Variants in R3HDM2 observed in about 807,000 individuals in gnomAD.
R3HDM2 encodes R3H domain-containing protein 2.
A neutral mutation model predicts 124.5 loss-of-function variants in R3HDM2; 38 were observed. That is an observed-to-expected ratio of 0.31 (90% confidence interval 0.24 to 0.40). R3HDM2 has a LOEUF of 0.40. R3HDM2 is among the 10% of genes least tolerant of loss of function. The pLI, the probability that R3HDM2 is intolerant of heterozygous loss-of-function variation, is 1.00. For synonymous variants in R3HDM2, 391 were observed against 448.0 expected (o/e 0.87, Z 1.61); for missense variants, 869 against 1,236.9 (o/e 0.70, Z 4.46).
chr12:57,286,859 CAA>C (rs2047462285), intron 12 of R3HDM2, among the ~76,000 whole-genome samples: 1 of 151,770 alleles, frequency 6.6e-6, no homozygotes, highest in Non-Finnish European at 1.5e-5. Flanking sequence ...GCCTGGGCAA[CAA>C]GAGCGAAACT....
chr12:57,353,122 T>C (rs374049687), intron 2 of R3HDM2, among the ~76,000 whole-genome samples: 27 of 152,176 alleles, frequency 1.8e-4, no homozygotes, highest in East Asian at 1.3e-3. Context: ...AGAAAAAACA[T>C]TGAAACTTTT....
At chr12:57,325,040 G>A (rs540574255) in intron 2 of R3HDM2, among the ~76,000 whole-genome samples, 1 of 152,342 alleles carries the variant, frequency 6.6e-6, no homozygotes, top group East Asian at 1.9e-4. Context: ...GGAAGCCACA[G>A]AGGCTTCAAG....
chr12:57,349,895 G>T (rs998207706), intron 2 of R3HDM2, among the ~76,000 whole-genome samples: 4 of 151,332 alleles, frequency 2.6e-5, no homozygotes, highest in African/African-American at 4.8e-5. Context: ...CTTCTGTGCT[G>T]TTCCTGTAAG....
intron 2 of R3HDM2, among the ~76,000 whole-genome samples, chr12:57,362,699 G>A (rs954728607): frequency 3.3e-5 from 5 of 152,078 alleles, no homozygotes; most frequent in East Asian, 1.9e-4. Flanking sequence ...ATTTCTGCAC[G>A]TTATAAACCC....
chr12:57,412,830 C>T (rs1362364003), intron 1 of R3HDM2, among the ~76,000 whole-genome samples: 2 of 151,836 alleles, frequency 1.3e-5, no homozygotes, highest in Non-Finnish European at 2.9e-5. Flanking sequence ...ATGGTGAAAC[C>T]CCTCTCTACT....
At chr12:57,350,284 C>T (rs183076498) in intron 2 of R3HDM2, among the ~76,000 whole-genome samples, 1 of 151,684 alleles carries the variant, frequency 6.6e-6, no homozygotes, top group African/African-American at 2.4e-5. Context: ...TTAATAACAA[C>T]AATAAAAAAT....
intron 2 of R3HDM2, among the ~76,000 whole-genome samples, chr12:57,350,375 A>G (rs2060556851): frequency 1.3e-5 from 2 of 152,260 alleles, no homozygotes; most frequent in South Asian, 2.1e-4. Flanking sequence ...TTAAATTCCC[A>G]TAAGAAAATT....
chr12:57,301,297 A>G (rs542441670), intron 4 of R3HDM2, among the ~76,000 whole-genome samples: 4 of 152,204 alleles, frequency 2.6e-5, no homozygotes, highest in Non-Finnish European at 5.9e-5. Context: ...GCTAAAAACT[A>G]TAGGGTGACT....
intron 2 of R3HDM2, among the ~76,000 whole-genome samples, chr12:57,338,159 C>T (rs895387196): frequency 2.0e-5 from 3 of 152,000 alleles, no homozygotes; most frequent in African/African-American, 4.8e-5. Context: ...CAAAATTATC[C>T]GGGCATGGTG....
chr12:57,365,274 GA>G (rs71448515), intron 2 of R3HDM2, among the ~76,000 whole-genome samples: 16 of 140,116 alleles, frequency 1.1e-4, no homozygotes, highest in African/African-American at 1.3e-4. Flanking sequence ...CAAAAAAAAA[GA>G]AAAAAAAAAA....
chr12:57,321,174 G>A (rs778574652), intron 2 of R3HDM2, among the ~76,000 whole-genome samples: 1 of 152,214 alleles, frequency 6.6e-6, no homozygotes, highest in Non-Finnish European at 1.5e-5. Flanking sequence ...CCAATATGAT[G>A]CTCAAGGGAT....
chr12:57,348,696 A>AG (rs2060308035), intron 2 of R3HDM2, among the ~76,000 whole-genome samples: 1 of 31,884 alleles, frequency 3.1e-5, no homozygotes, highest in Non-Finnish European at 6.8e-5. Flanking sequence ...TCCGTCTCAA[A>AG]AAAAAAAAAA....
chr12:57,361,897 AACAG>A (rs2137611843), intron 2 of R3HDM2, among the ~76,000 whole-genome samples: 1 of 152,318 alleles, frequency 6.6e-6, no homozygotes, highest in East Asian at 1.9e-4. Context: ...ACCAAGAAGC[AACAG>A]ATGAGTTTCC....
intron 2 of R3HDM2, among the ~76,000 whole-genome samples, chr12:57,341,893 A>C (rs1315274473): frequency 6.6e-6 from 1 of 152,252 alleles, no homozygotes. Flanking sequence ...ATCTGAATGA[A>C]GCATTGCTTG....
intron 1 of R3HDM2, among the ~76,000 whole-genome samples, chr12:57,414,072 C>G (rs67161907): frequency 0.37 from 55,320 of 150,278 alleles, 11,601 homozygotes; most frequent in Middle Eastern, 0.75. Flanking sequence ...TGGTCTTGAA[C>G]TCCTGACCTC....
At chr12:57,354,374 C>T (rs915361594) in intron 2 of R3HDM2, among the ~76,000 whole-genome samples, 5 of 151,898 alleles carry the variant, frequency 3.3e-5, no homozygotes, top group Non-Finnish European at 7.4e-5. Flanking sequence ...GTTCATGTAA[C>T]CTCTGGCTCC....
At chr12:57,373,397 G>A (rs2063613069) in intron 2 of R3HDM2, among the ~76,000 whole-genome samples, 1 of 152,098 alleles carries the variant, frequency 6.6e-6, no homozygotes, top group African/African-American at 2.4e-5. Flanking sequence ...CTACTAAGGA[G>A]GCTGAGGCAG....
At chr12:57,416,057 T>A (rs1356037446) in intron 1 of R3HDM2, among the ~76,000 whole-genome samples, 1 of 152,178 alleles carries the variant, frequency 6.6e-6, no homozygotes, top group Non-Finnish European at 1.5e-5. Flanking sequence ...ATTTTGAATG[T>A]GATAGTGAAC....
intron 13 of R3HDM2, among the ~76,000 whole-genome samples, chr12:57,282,343 A>C (rs2046359848): frequency 6.6e-6 from 1 of 152,210 alleles, no homozygotes; most frequent in East Asian, 1.9e-4. Flanking sequence ...AAAGAAGGAA[A>C]GATCTGGAAA....
Sources: gnomAD v4.1 joint callset for allele counts (sites outside exome capture counted in the v4.1 genomes callset) on GRCh38, gnomAD v4.1.1 for gene constraint, MANE v1.5 for transcripts, NCBI Gene and HGNC (gene_info 2026-07-23, HGNC 2026-07-21) for gene names.